NGLY1: variants seen among roughly 807,000 people sequenced by gnomAD.
NGLY1 encodes the protein peptide-N(4)-(N-acetyl-beta-glucosaminyl)asparagine amidase.
A neutral mutation model predicts 84.6 loss-of-function variants in NGLY1; 68 were observed. That is an observed-to-expected ratio of 0.80 (90% CI 0.66 to 0.98). The LOEUF (loss-of-function observed/expected upper bound fraction) is 0.98, where lower values mean the gene tolerates loss of function less well. Among genes scored for constraint, NGLY1 ranks in the 50% least tolerant of loss-of-function variants. NGLY1 has a pLI of 0.00. For synonymous variants in NGLY1, 280 were observed against 275.2 expected (o/e 1.02, Z -0.17); for missense variants, 779 against 770.2 (o/e 1.01, Z -0.14).
At chr3:25,763,656 A>C (rs1707420051) in intron 3 of NGLY1, among the ~76,000 whole-genome samples, 1 of 152,252 alleles carries the variant, frequency 6.6e-6, no homozygotes, top group Non-Finnish European at 1.5e-5. Context: ...CAGTTTATCA[A>C]GAATGCCTGT....
chr3:25,730,221 T>C (rs1238613441), intron 9 of NGLY1: 3 of 152,132 alleles, frequency 2.0e-5, no homozygotes, highest in East Asian at 1.9e-4. Context: ...CTTTTCTTTC[T>C]GGAAATGATA....
At chr3:25,748,892 G>A (rs186524281) in intron 4 of NGLY1, among the ~76,000 whole-genome samples, 7 of 151,366 alleles carry the variant, frequency 4.6e-5, no homozygotes, top group African/African-American at 1.5e-4. Context: ...CTGCAAATGC[G>A]TATTCAGGTA....
intron 10 of NGLY1, among the ~76,000 whole-genome samples, chr3:25,724,532 C>T (rs1705156776): frequency 6.6e-6 from 1 of 152,050 alleles, no homozygotes; most frequent in Non-Finnish European, 1.5e-5. Context: ...TCCATGTATA[C>T]TTCCAATTTA....
At chr3:25,782,431 C>A (rs960468171) in intron 1 of NGLY1, among the ~76,000 whole-genome samples, 8 of 152,126 alleles carry the variant, frequency 5.3e-5, no homozygotes, top group Non-Finnish European at 7.4e-5. Context: ...CCTACCCCCC[C>A]ACACCATGTC....
At chr3:25,759,919 C>A (rs1873102) in intron 3 of NGLY1, among the ~76,000 whole-genome samples, 8,841 of 25,266 alleles carry the variant, frequency 0.35, 671 homozygotes, top group Middle Eastern at 0.39. Context: ...GTTAAAAAAA[C>A]ACACACACAC....
At chr3:25,763,049 T>G (rs1707392033) in intron 3 of NGLY1, among the ~76,000 whole-genome samples, 1 of 151,848 alleles carries the variant, frequency 6.6e-6, no homozygotes, top group Non-Finnish European at 1.5e-5. Flanking sequence ...CACTTCAACC[T>G]GGGAGGCAGA....
At chr3:25,757,379 A>T (rs1244758844) in intron 3 of NGLY1, among the ~76,000 whole-genome samples, 1 of 152,176 alleles carries the variant, frequency 6.6e-6, no homozygotes, top group Non-Finnish European at 1.5e-5. Flanking sequence ...CTTTGCTCTC[A>T]ATAGTAGTAG....
At chr3:25,720,626 T>C (rs1338871458) in intron 10 of NGLY1, among the ~76,000 whole-genome samples, 8 of 152,208 alleles carry the variant, frequency 5.3e-5, no homozygotes, top group Non-Finnish European at 1.2e-4. Context: ...TGCTATAGTC[T>C]CTAAATCGAG....
chr3:25,759,155 G>C (rs1707182398), intron 3 of NGLY1, among the ~76,000 whole-genome samples: 1 of 152,128 alleles, frequency 6.6e-6, no homozygotes, highest in South Asian at 2.1e-4. Context: ...AGGGATACAG[G>C]GAGAGAGGAG....
At chr3:25,768,586 C>T (rs1409205963) in intron 2 of NGLY1, among the ~76,000 whole-genome samples, 19 of 106,236 alleles carry the variant, frequency 1.8e-4, no homozygotes, top group Admixed American at 5.9e-4. Context: ...TTTTTTTTAG[C>T]GGAGTCTCAC....
At position 25,764,188 on chromosome 3, in the gene NGLY1, A is replaced by C. The variant is rs1486033521; in HGVS notation, c.370T>G (p.Ser124Ala). The change falls in exon 3 of 12, where the codon TCA (serine) becomes GCA (alanine). Residue 124 changes from serine to alanine, a missense_variant. By Grantham distance (99) the Ser-to-Ala change is moderately conservative. Coordinates refer to ENST00000280700, the MANE Select transcript of NGLY1 (RefSeq NM_018297.4). Reference sequence around the variant, plus strand: ...GTACTGGCTGCAGGTTGCTGAGATGACTTTACTTTGTGGCTCTTATTTGAG... The same window carrying C: ...GTACTGGCTGCAGGTTGCTGAGATGCCTTTACTTTGTGGCTCTTATTTGAG... The part of the protein sequence containing the change: ...DGSNKSHKVK[S>A]SQQPAASTQL... 1 of 1,614,102 alleles carries C rather than the reference A, an allele frequency of 6.2e-7. No homozygotes were observed. Among genetic ancestry groups the C allele is most frequent in the Non-Finnish European group, 8.5e-7 (1 of 1,180,024 alleles).
intron 3 of NGLY1, among the ~76,000 whole-genome samples, chr3:25,756,804 G>A (rs1201407451): frequency 1.3e-5 from 2 of 152,048 alleles, no homozygotes; most frequent in African/African-American, 4.8e-5. Flanking sequence ...CCTCTAAAAG[G>A]CCAACAAAGA....
In NGLY1 at chr3:25,733,466, C is replaced by CGTGT. The variant is rs60529800; in HGVS notation, c.1260+402_1260+405dup. Among the ~76,000 whole-genome samples the CGTGT allele has an allele frequency of 6.8e-3, 919 of 134,164 alleles. 10 individuals carry two copies. The highest frequency in any genetic ancestry group is 0.011 in the African/African-American group (413 of 36,232). 88.0% of individuals were successfully genotyped at this position (134,164 alleles called of 152,430 possible). On this transcript the variant is annotated intron_variant, in intron 8 of 11. Coordinates refer to ENST00000280700, the MANE Select transcript of NGLY1 (RefSeq NM_018297.4). ...TGCTTCAGAAATTTCCTCACATGGA[C>CGTGT]GTGTGTGTGTGTGTGTGTGTGTGTG...
chr3:25,746,621 G>A (rs1233989560), intron 4 of NGLY1, among the ~76,000 whole-genome samples: 2 of 152,180 alleles, frequency 1.3e-5, no homozygotes, highest in Non-Finnish European at 2.9e-5. Context: ...CCACTGATAA[G>A]ACCATTCCCA....
At chr3:25,751,326 T>C in intron 3 of NGLY1, 63 bp from the exon 4 acceptor site, 1 of 1,306,262 alleles carries the variant, frequency 7.7e-7, no homozygotes, top group Non-Finnish European at 1.0e-6. Flanking sequence ...TAATATATAA[T>C]AAAAAAACTG....
intron 1 of NGLY1, among the ~76,000 whole-genome samples, chr3:25,780,237 T>C (rs892964197): frequency 2.0e-5 from 3 of 152,238 alleles, no homozygotes; most frequent in African/African-American, 4.8e-5. Flanking sequence ...TGTGGGGCCT[T>C]TTCTCAGTGG....
Position 25,762,335 on chromosome 3 carries a change from G to A in NGLY1, c.492+1731C>T, listed in dbSNP as rs568981797. On this transcript the variant is annotated intron_variant, in intron 3 of 11. Transcript: ENST00000280700. Reference sequence around the variant, plus strand: ...TGTAGTATAGCAACTAATGATGAAAGCATAATTAACAAAATACTTTAAAGA... The same window carrying A: ...TGTAGTATAGCAACTAATGATGAAAACATAATTAACAAAATACTTTAAAGA... 7.2e-5 allele frequency among the ~76,000 whole-genome samples: 11 copies of A among 152,202 alleles called. No homozygotes were observed. In the East Asian group the frequency reaches 1.9e-3, roughly 27 times the overall value.
intron 10 of NGLY1, among the ~76,000 whole-genome samples, chr3:25,727,051 A>T (rs1367682714): frequency 6.6e-6 from 1 of 152,202 alleles, no homozygotes; most frequent in Non-Finnish European, 1.5e-5. Flanking sequence ...GTAGTGAGAA[A>T]TAGGTTTACT....
intron 4 of NGLY1, among the ~76,000 whole-genome samples, chr3:25,743,679 T>C (rs1352332809): frequency 6.6e-6 from 1 of 152,156 alleles, no homozygotes; most frequent in African/African-American, 2.4e-5. Context: ...TTAATAAATA[T>C]TTGAATGATG....
Sources: allele counts gnomAD v4.1 joint callset (sites outside exome capture counted in the v4.1 genomes callset), GRCh38; gene constraint gnomAD v4.1.1; transcripts MANE v1.5; gene names NCBI Gene and HGNC (gene_info 2026-07-23, HGNC 2026-07-21).